ITCH: variants seen among roughly 807,000 people sequenced by gnomAD.
ITCH encodes the protein itchy E3 ubiquitin protein ligase.
In ITCH, 28 loss-of-function variants were observed where a neutral mutation model predicts 126.8. The ratio of observed to expected loss-of-function variants is 0.22; its 90% confidence interval spans 0.16 to 0.30. The LOEUF (loss-of-function observed/expected upper bound fraction) is 0.30, where lower values mean the gene tolerates loss of function less well. ITCH is among the 10% of genes least tolerant of loss of function. The pLI, the probability that ITCH is intolerant of heterozygous loss-of-function variation, is 1.00. For synonymous variants in ITCH, 342 were observed against 340.0 expected (o/e 1.01, Z -0.06); for missense variants, 631 against 1,032.4 (o/e 0.61, Z 5.33).
chr20:34,398,949 A>G (rs934959572), intron 3 of ITCH, among the ~76,000 whole-genome samples: 2 of 152,216 alleles, frequency 1.3e-5, no homozygotes, highest in African/African-American at 4.8e-5. Flanking sequence ...TTTTGATGCT[A>G]GAATGCTTAG....
chr20:34,414,026 C>T, intron 6 of ITCH, 147 bp downstream of exon 6: 1 of 673,874 alleles, frequency 1.5e-6, no homozygotes, highest in Middle Eastern at 4.3e-4. Context: ...GCCTCTAATC[C>T]CAGCACTTTG....
intron 7 of ITCH, among the ~76,000 whole-genome samples, chr20:34,433,247 G>T (rs936720825): frequency 3.3e-5 from 5 of 152,228 alleles, no homozygotes; most frequent in Admixed American, 3.3e-4. Flanking sequence ...CCGAGATCGT[G>T]CCATTGCACT....
At chr20:34,443,919 A>C (rs1984098192) in intron 10 of ITCH, among the ~76,000 whole-genome samples, 2 of 152,132 alleles carry the variant, frequency 1.3e-5, no homozygotes, top group South Asian at 4.1e-4. Context: ...CCAGGAGTTC[A>C]AGATTACAGT....
intron 20 of ITCH, among the ~76,000 whole-genome samples, chr20:34,486,483 G>A (rs1022229077): frequency 4.0e-5 from 6 of 151,420 alleles, no homozygotes; most frequent in South Asian, 2.1e-4. Flanking sequence ...CCGCCACCAC[G>A]CCTGGCTAAT....
chr20:34,499,719 C>G (rs1268646871), intron 23 of ITCH, among the ~76,000 whole-genome samples: 1 of 150,984 alleles, frequency 6.6e-6, no homozygotes, highest in African/African-American at 2.4e-5. Context: ...TTATTTCTTT[C>G]CTTCTAGTAA....
At chr20:34,407,998 C>T (rs1190243500) in intron 3 of ITCH, among the ~76,000 whole-genome samples, 3 of 152,076 alleles carry the variant, frequency 2.0e-5, no homozygotes, top group East Asian at 1.9e-4. Context: ...GCTGTGCTGC[C>T]CAGGCAGGTC....
In ITCH at chr20:34,393,856, C is replaced by T. The variant is rs1243662122; in HGVS notation, c.45C>T (p.Thr15=). 6.2e-7 allele frequency: 1 copy of T among 1,613,818 alleles called. No homozygotes were observed. Among genetic ancestry groups the T allele is most frequent in the Admixed American group, 1.7e-5 (1 of 59,986 alleles). ...AACTTGGTTCAATGGGTAGCCTCAC[C>T]ATGAAATCACAGCTTCAGATCACTG... ...GSQLGSMGSL[T]MKSQLQITVI... is the part of the protein sequence containing the mutation. Residue 15 remains threonine (T), a synonymous_variant, in exon 3 of 25, where the codon ACC becomes ACT. Coordinates refer to ENST00000374864, the MANE Select transcript of ITCH (RefSeq NM_031483.7).
At chr20:34,469,957 G>A (rs1382992038) in intron 14 of ITCH, 91 bp from the exon 15 acceptor site, 24 of 936,864 alleles carry the variant, frequency 2.6e-5, no homozygotes, top group Non-Finnish European at 1.8e-6. Context: ...TGGTTAGTAA[G>A]TGCTGAGAGA....
rs537535994 is a variant in ITCH at position 34,409,434 on chromosome 20, T to C, written c.212+642T>C. Among the ~76,000 whole-genome samples, 20 of 152,290 alleles carry C rather than the reference T, an allele frequency of 1.3e-4. No homozygotes were observed. The South Asian group carries it at 4.1e-3, about 32-fold the overall frequency. Reference sequence around the variant, plus strand: ...TTTTGAATGAGATGGGGTCTTGCTATGTTGTCCAGAGTGCTCTCTCTCAAC... The same window carrying C: ...TTTTGAATGAGATGGGGTCTTGCTACGTTGTCCAGAGTGCTCTCTCTCAAC... On this transcript the variant is annotated intron_variant, in intron 4 of 24. Coordinates refer to ENST00000374864, the MANE Select transcript of ITCH (RefSeq NM_031483.7).
At chr20:34,485,492 T>A (rs1989039346) in intron 20 of ITCH, among the ~76,000 whole-genome samples, 1 of 152,202 alleles carries the variant, frequency 6.6e-6, no homozygotes, top group Admixed American at 6.5e-5. Flanking sequence ...GTCAAGTACG[T>A]TTTTCTATGC....
At position 34,449,399 on chromosome 20, in the gene ITCH, G is replaced by C. The variant is rs1390413156; in HGVS notation, c.1141-12G>C. ...GTTGTTAATAGTTTCATCACTTTTT[G>C]GTTCTTTTTAGAATCAAGATTTATT... is the stretch of plus-strand genomic sequence containing the variant. On this transcript the variant is annotated splice_polypyrimidine_tract_variant and intron_variant, in intron 11 of 24. Coordinates refer to ENST00000374864, the MANE Select transcript of ITCH (RefSeq NM_031483.7). 1.3e-6 allele frequency: 2 copies of C among 1,569,074 alleles called. No homozygotes were observed. The highest frequency in any genetic ancestry group is 1.8e-6 in the Non-Finnish European group (2 of 1,140,724).
In ITCH at chr20:34,501,710, G is replaced by T. The variant is rs1049122467; in HGVS notation, c.2417-2621G>T. On this transcript the variant is annotated intron_variant, in intron 23 of 24. Transcript: ENST00000374864. ...GAATCGCTTGAACCTGGGAGGCAGA[G>T]GTTGCAGTGAGCCAAGATCGTACCA... is the stretch of plus-strand genomic sequence containing the variant. Among the ~76,000 whole-genome samples, 25 of 151,550 alleles carry T rather than the reference G, an allele frequency of 1.6e-4. 1 individual carries two copies. Among genetic ancestry groups the T allele is most frequent in the African/African-American group, 6.1e-4 (25 of 41,230 alleles).
intron 7 of ITCH, among the ~76,000 whole-genome samples, chr20:34,429,987 G>A (rs1982070913): frequency 6.6e-6 from 1 of 152,164 alleles, no homozygotes; most frequent in Admixed American, 6.5e-5. Context: ...AGGTTGTTTT[G>A]TAGGAAATCT....
intron 6 of ITCH, chr20:34,417,306 A>C (rs1476082678): frequency 2.4e-6 from 1 of 420,992 alleles, no homozygotes; most frequent in East Asian, 4.6e-5. Flanking sequence ...CGTGTTGGCC[A>C]GGCTGGCTTT....
chr20:34,444,540 G>A (rs1984189042), intron 10 of ITCH, among the ~76,000 whole-genome samples: 1 of 152,062 alleles, frequency 6.6e-6, no homozygotes, highest in Non-Finnish European at 1.5e-5. Flanking sequence ...CCAAGATCGC[G>A]CCATTGCACT....
At chr20:34,424,322 AT>A (rs1392012075) in intron 6 of ITCH, among the ~76,000 whole-genome samples, 157 bp from the exon 7 acceptor site, 1 of 152,080 alleles carries the variant, frequency 6.6e-6, no homozygotes, top group Non-Finnish European at 1.5e-5. Context: ...TGAAAATCAC[AT>A]TTTTCCTTTT....
intron 2 of ITCH, among the ~76,000 whole-genome samples, chr20:34,370,481 T>C (rs1568850558): frequency 6.6e-6 from 1 of 152,008 alleles, no homozygotes; most frequent in East Asian, 1.9e-4. Flanking sequence ...CTGGTCAACA[T>C]GGTGAAACTC....
intron 18 of ITCH, among the ~76,000 whole-genome samples, chr20:34,480,363 G>A (rs1173684172): frequency 2.0e-5 from 3 of 151,774 alleles, no homozygotes; most frequent in Non-Finnish European, 4.4e-5. Context: ...CACCATGTCC[G>A]GCTAATTTTT....
intron 2 of ITCH, among the ~76,000 whole-genome samples, chr20:34,391,185 T>C (rs2038477932): frequency 6.6e-6 from 1 of 152,240 alleles, no homozygotes; most frequent in Non-Finnish European, 1.5e-5. Flanking sequence ...GTTTTTAAAA[T>C]TGTACAAGTC....
Sources: gnomAD v4.1 joint callset for allele counts (sites outside exome capture counted in the v4.1 genomes callset) on GRCh38, gnomAD v4.1.1 for gene constraint, MANE v1.5 for transcripts, NCBI Gene and HGNC (gene_info 2026-07-23, HGNC 2026-07-21) for gene names.